Variants in MCM8 observed in about 807,000 individuals in gnomAD.
MCM8 encodes the protein minichromosome maintenance 8 homologous recombination repair factor.
Under a neutral mutation model 98.9 loss-of-function variants are expected in MCM8, and 85 were observed. The ratio of observed to expected loss-of-function variants is 0.86; its 90% confidence interval spans 0.72 to 1.03. MCM8 has a LOEUF of 1.03. Ranked by LOEUF, MCM8 falls within the 50% of genes least tolerant of loss-of-function variation. The pLI is 0.00. For synonymous variants in MCM8, 352 were observed against 338.6 expected, an observed-to-expected ratio of 1.04 and a Z score of -0.44; for missense variants, 951 against 997.8, an observed-to-expected ratio of 0.95 and a Z score of 0.63.
At position 5,954,665 on chromosome 20, in the gene MCM8, C is replaced by A. The variant is rs1414186577; in HGVS notation, c.311C>A (p.Thr104Lys). 1 of 1,607,302 alleles carries A rather than the reference C, an allele frequency of 6.2e-7. No homozygotes were observed. Among genetic ancestry groups the A allele is most frequent in the South Asian group, 1.1e-5 (1 of 90,900 alleles). ...ATTCAAGCATTTGAAAAATTTTTCA[C>A]AAGGCATATTGATTTGTATGACAAG... ...EKIQAFEKFFTRHIDLYDKDE... is the reference protein window; with the variant it reads ...EKIQAFEKFFKRHIDLYDKDE... Residue 104 changes from threonine to lysine, a missense_variant, in exon 4 of 19, where the codon ACA (threonine) becomes AAA (lysine). Coordinates refer to ENST00000610722, the MANE Select transcript of MCM8 (RefSeq NM_032485.6).
intron 13 of MCM8, among the ~76,000 whole-genome samples, chr20:5,979,356 G>A (rs999397572): frequency 6.6e-6 from 1 of 151,748 alleles, no homozygotes; most frequent in East Asian, 1.9e-4. Context: ...ATCTTGTATC[G>A]TTTCATTGGC....
intron 17 of MCM8, among the ~76,000 whole-genome samples, chr20:5,990,043 C>T (rs1883672564): frequency 6.6e-6 from 1 of 151,546 alleles, no homozygotes; most frequent in African/African-American, 2.4e-5. Context: ...GTCTAAGTAT[C>T]CTATTGGTAT....
intron 13 of MCM8, among the ~76,000 whole-genome samples, chr20:5,978,243 G>A (rs908081082): frequency 2.6e-5 from 4 of 152,146 alleles, no homozygotes; most frequent in Non-Finnish European, 4.4e-5. Context: ...TCTTATAGCC[G>A]ATACAAGTAT....
At position 5,985,908 on chromosome 20, in the gene MCM8, T is replaced by C. The variant is rs2089722561; in HGVS notation, c.1954-14T>C. Reference sequence around the variant, plus strand: ...CTTATCCTTGTTATCTTGGGCCTTTTAATCATGCTTCAGGTGGTTCCTGGA... The same window carrying C: ...CTTATCCTTGTTATCTTGGGCCTTTCAATCATGCTTCAGGTGGTTCCTGGA... On this transcript the variant is annotated splice_polypyrimidine_tract_variant and intron_variant, in intron 15 of 18. Transcript: ENST00000610722. The C allele has an allele frequency of 1.9e-6, 3 of 1,613,224 alleles. No homozygotes were observed. The highest frequency in any genetic ancestry group is 8.5e-7 in the Non-Finnish European group (1 of 1,179,354).
intron 12 of MCM8, among the ~76,000 whole-genome samples, chr20:5,977,379 GGTCT>G (rs1201255007): frequency 6.6e-6 from 1 of 152,202 alleles, no homozygotes; most frequent in Non-Finnish European, 1.5e-5. Context: ...GATTTAAACA[GGTCT>G]GTCTGACTCC....
At chr20:5,961,980 A>G (rs1051793708) in intron 7 of MCM8, among the ~76,000 whole-genome samples, 1 of 152,156 alleles carries the variant, frequency 6.6e-6, no homozygotes, top group Non-Finnish European at 1.5e-5. Flanking sequence ...AGTTCTCATG[A>G]TATCTGTGGA....
At chr20:5,959,193 G>C (rs947444535) in intron 7 of MCM8, among the ~76,000 whole-genome samples, 1 of 151,714 alleles carries the variant, frequency 6.6e-6, no homozygotes, top group Non-Finnish European at 1.5e-5. Flanking sequence ...CTATAGAAAA[G>C]TGCAGAGAAT....
chr20:5,974,951 T>A (rs1351705744), intron 12 of MCM8, among the ~76,000 whole-genome samples: 1 of 152,098 alleles, frequency 6.6e-6, no homozygotes, highest in Non-Finnish European at 1.5e-5. Context: ...CCCTTACAGG[T>A]GAAACAAAGC....
chr20:5,980,153 C>T (rs1895393199), intron 13 of MCM8, among the ~76,000 whole-genome samples: 1 of 152,170 alleles, frequency 6.6e-6, no homozygotes, highest in Admixed American at 6.5e-5. Context: ...TCCCTAAATA[C>T]CGTATTTTAA....
intron 17 of MCM8, among the ~76,000 whole-genome samples, chr20:5,990,471 T>G (rs1166913224): frequency 6.6e-6 from 1 of 152,196 alleles, no homozygotes; most frequent in Non-Finnish European, 1.5e-5. Context: ...CAACCTGGCT[T>G]TAGTCCCTCT....
intron 17 of MCM8, among the ~76,000 whole-genome samples, chr20:5,989,242 A>G (rs992450395): frequency 3.4e-5 from 5 of 149,240 alleles, no homozygotes; most frequent in African/African-American, 1.3e-4. Flanking sequence ...TGAGCCTCCC[A>G]TGTAGCTGGG....
chr20:5,960,502 T>G (rs1257731554), intron 7 of MCM8, among the ~76,000 whole-genome samples: 1 of 152,228 alleles, frequency 6.6e-6, no homozygotes, highest in African/African-American at 2.4e-5. Context: ...TATTGTTGAT[T>G]ATATACATTA....
rs1379989479 is a variant in MCM8 at position 5,997,665 on chromosome 20, A to C, written c.*3274A>C. 6.6e-6 allele frequency: 1 copy of C among 152,218 alleles called. No individual in the cohort carries two copies. The highest frequency in any genetic ancestry group is 2.4e-5 in the African/African-American group (1 of 41,342). 9.4% of individuals were successfully genotyped at this position (152,218 alleles called of 1,614,324 possible). On this transcript the variant is annotated 3_prime_UTR_variant, in exon 19 of 19. Transcript: ENST00000610722. ...GGTCTTGTTCTGTCGCCCAGGCTGG[A>C]GTGCAGTGACATGATCAAGCCGTGA...
At chr20:5,988,208 C>G (rs1348667839) in intron 17 of MCM8, among the ~76,000 whole-genome samples, 5 of 152,018 alleles carry the variant, frequency 3.3e-5, no homozygotes. Context: ...CACCTGTAAT[C>G]CCAGCACTTT....
Position 5,987,081 on chromosome 20 carries a change from C to G in MCM8, c.2164-201C>G, listed in dbSNP as rs562891859. Among the ~76,000 whole-genome samples the G allele has an allele frequency of 6.2e-4, 94 of 152,364 alleles. 1 individual carries two copies. Among genetic ancestry groups the G allele is most frequent in the African/African-American group, 2.2e-3 (90 of 41,602 alleles). On this transcript the variant is annotated intron_variant, in intron 16 of 18. Transcript: ENST00000610722. ...GGCTCAAGTGATCCTCCCACCTCAGCCTCCCAAAGTGCTGGGTTTATAGGC... is the reference window on the plus strand; with the variant it reads ...GGCTCAAGTGATCCTCCCACCTCAGGCTCCCAAAGTGCTGGGTTTATAGGC...
intron 3 of MCM8, 139 bp downstream of exon 3, chr20:5,952,667 T>A: frequency 1.4e-6 from 1 of 727,142 alleles, no homozygotes; most frequent in Non-Finnish European, 2.2e-6. Context: ...AATTAAATGA[T>A]GTTTATGTTT....
In MCM8 at chr20:5,978,122, C is replaced by T. The variant is rs1020839245; in HGVS notation, c.1537+105C>T. On this transcript the variant is annotated intron_variant, in intron 13 of 18. Coordinates refer to ENST00000610722, the MANE Select transcript of MCM8 (RefSeq NM_032485.6). The stretch of plus-strand genomic sequence containing the variant: ...CTGTTTAAGAGAAACATTTAGATAG[C>T]AAAGTCCTAACCAGTAAGTTGACAC... 3.0e-6 allele frequency: 4 copies of T among 1,326,540 alleles called. No individual in the cohort carries two copies. The East Asian group carries it at 7.0e-5, about 23-fold the overall frequency. The allele number at this position is 1,326,540 out of a possible 1,614,324, so 82.2% of individuals were successfully genotyped here.
At position 5,982,122 on chromosome 20, in the gene MCM8, A is replaced by G. The variant is rs560156723; in HGVS notation, c.1538-848A>G. On this transcript the variant is annotated intron_variant, in intron 13 of 18. Coordinates refer to ENST00000610722, the MANE Select transcript of MCM8 (RefSeq NM_032485.6). ...TGTTGAAATAAACTAAAGGCACTGT[A>G]TGTGCCAGGAATGTCATGTCTATTG... is the stretch of plus-strand genomic sequence containing the variant. 1.1e-4 allele frequency among the ~76,000 whole-genome samples: 17 copies of G among 152,294 alleles called. 1 individual carries two copies. In the South Asian group the frequency reaches 2.9e-3, roughly 26 times the overall value.
intron 3 of MCM8, among the ~76,000 whole-genome samples, chr20:5,952,922 A>G (rs750505058): frequency 2.6e-5 from 4 of 152,236 alleles, no homozygotes; most frequent in Non-Finnish European, 5.9e-5. Context: ...AGGTCACAGC[A>G]TAGCTGTTAT....
Sources: gnomAD v4.1 joint callset for allele counts (sites outside exome capture counted in the v4.1 genomes callset) on GRCh38, gnomAD v4.1.1 for gene constraint, MANE v1.5 for transcripts, NCBI Gene and HGNC (gene_info 2026-07-23, HGNC 2026-07-21) for gene names.